The following MRLN variants were observed in gnomAD, a reference collection of about 807,000 sequenced individuals.
MRLN encodes myoregulin, also known as Linc-RNA activator of myogenesis.
intron 1 of MRLN, among the ~76,000 whole-genome samples, chr10:59,742,570 T>C (rs1017980296): frequency 1.3e-5 from 2 of 152,188 alleles, no homozygotes; most frequent in Non-Finnish European, 2.9e-5. Flanking sequence ...TTTCATCTCT[T>C]GTCCTGGGTG....
At chr10:59,749,651 G>A (rs185379170) in intron 1 of MRLN, among the ~76,000 whole-genome samples, 1 of 151,836 alleles carries the variant, frequency 6.6e-6, no homozygotes, top group East Asian at 1.9e-4. Flanking sequence ...CCGAGATCGT[G>A]CCACTAAACT....
intron 1 of MRLN, among the ~76,000 whole-genome samples, chr10:59,746,861 C>T (rs1175897500): frequency 2.6e-5 from 4 of 152,138 alleles, no homozygotes; most frequent in African/African-American, 7.2e-5. Flanking sequence ...GGCACGATGT[C>T]GGCTCACTGC....
chr10:59,751,668 T>TAAAA (rs1841104126), intron 1 of MRLN, among the ~76,000 whole-genome samples: 1 of 10,638 alleles, frequency 9.4e-5, no homozygotes, highest in African/African-American at 3.3e-4. Context: ...AGACTCTGTC[T>TAAAA]CAAAAAAAAA....
intron 1 of MRLN, among the ~76,000 whole-genome samples, chr10:59,743,248 C>T (rs968632132): frequency 7.3e-6 from 1 of 137,310 alleles, no homozygotes; most frequent in African/African-American, 2.7e-5. Flanking sequence ...TTCTCACATT[C>T]ATTCATTTAA....
rs1210420196 is a variant in MRLN, at chr10:59,736,774, T to C, written c.*286A>G. 6.1e-6 allele frequency: 1 copy of C among 164,306 alleles called. No homozygotes were observed. Among genetic ancestry groups the C allele is most frequent in the African/African-American group, 2.4e-5 (1 of 42,098 alleles). 10.2% of individuals were successfully genotyped at this position (164,306 alleles called of 1,614,324 possible). On this transcript the variant is annotated 3_prime_UTR_variant, in exon 3 of 3. Coordinates refer to ENST00000414264, the MANE Select transcript of MRLN (RefSeq NM_001304731.2). ...ATCCGCCTACCTGGGCCTCTCAAAG[T>C]GCTGGGATTACAGGTGTGAGCCACC...
chr10:59,751,399 C>T (rs1303286601), intron 1 of MRLN, among the ~76,000 whole-genome samples: 2 of 152,004 alleles, frequency 1.3e-5, no homozygotes, highest in African/African-American at 4.8e-5. Flanking sequence ...CGGTGGCTCA[C>T]ACCTATAATT....
intron 2 of MRLN, among the ~76,000 whole-genome samples, chr10:59,737,593 A>G (rs568954279): frequency 2.6e-4 from 38 of 144,368 alleles, no homozygotes; most frequent in Non-Finnish European, 4.0e-4. Flanking sequence ...AACTTGTACT[A>G]TTGGTGTTAC....
chr10:59,744,221 C>T (rs1841015880), intron 1 of MRLN: 1 of 157,782 alleles, frequency 6.3e-6, no homozygotes, highest in Non-Finnish European at 1.4e-5. Flanking sequence ...AAGTGAGGAG[C>T]GTCTCTGCCC....
intron 1 of MRLN, among the ~76,000 whole-genome samples, chr10:59,743,438 T>C (rs531623395): frequency 6.6e-6 from 1 of 152,210 alleles, no homozygotes; most frequent in Admixed American, 6.5e-5. Context: ...TTAATGAAAG[T>C]ATGTAACTTC....
intron 1 of MRLN, among the ~76,000 whole-genome samples, chr10:59,751,599 G>A (rs963044610): frequency 6.6e-6 from 1 of 150,532 alleles, no homozygotes; most frequent in Non-Finnish European, 1.5e-5. Context: ...GAGCCTGGGA[G>A]GTGGAGATTG....
At chr10:59,741,190 TC>T (rs1214065275) in intron 1 of MRLN, among the ~76,000 whole-genome samples, 1 of 152,032 alleles carries the variant, frequency 6.6e-6, no homozygotes, top group African/African-American at 2.4e-5. Context: ...GTTCACAAAG[TC>T]TAGAGTAGTG....
intron 1 of MRLN, among the ~76,000 whole-genome samples, chr10:59,749,055 T>TA (rs1437126673): frequency 6.6e-6 from 1 of 152,164 alleles, no homozygotes; most frequent in East Asian, 1.9e-4. Context: ...TCCTGGCTCT[T>TA]ACCACTATTA....
At chr10:59,751,060 AC>A (rs1841098101) in intron 1 of MRLN, among the ~76,000 whole-genome samples, 1 of 152,192 alleles carries the variant, frequency 6.6e-6, no homozygotes, top group Non-Finnish European at 1.5e-5. Context: ...TTGGCCTGCA[AC>A]ACACACTCCT....
chr10:59,742,434 T>A (rs1424868973), intron 1 of MRLN, among the ~76,000 whole-genome samples: 1 of 152,148 alleles, frequency 6.6e-6, no homozygotes, highest in Non-Finnish European at 1.5e-5. Flanking sequence ...GGGGTATATA[T>A]ATGGTTGGCA....
chr10:59,752,562 A>G (rs2070169165), intron 1 of MRLN, among the ~76,000 whole-genome samples: 1 of 152,184 alleles, frequency 6.6e-6, no homozygotes, highest in Non-Finnish European at 1.5e-5. Flanking sequence ...CTTCCCTTAC[A>G]CATTTTATTT....
At chr10:59,749,184 C>G (rs1459547312) in intron 1 of MRLN, among the ~76,000 whole-genome samples, 1 of 152,142 alleles carries the variant, frequency 6.6e-6, no homozygotes, top group East Asian at 1.9e-4. Flanking sequence ...AAGTTCAGTG[C>G]CTTCTATACA....
intron 1 of MRLN, among the ~76,000 whole-genome samples, chr10:59,751,886 G>A (rs1841107021): frequency 6.6e-6 from 1 of 152,156 alleles, no homozygotes; most frequent in African/African-American, 2.4e-5. Context: ...AGCAGGTATT[G>A]AGACAATCCT....
At chr10:59,747,578 T>A (rs1295043214) in intron 1 of MRLN, among the ~76,000 whole-genome samples, 1 of 152,220 alleles carries the variant, frequency 6.6e-6, no homozygotes, top group Non-Finnish European at 1.5e-5. Context: ...CAGGCAAAAC[T>A]GTTAAACTCC....
intron 1 of MRLN, among the ~76,000 whole-genome samples, chr10:59,752,424 A>C (rs1428384466): frequency 1.3e-5 from 2 of 152,200 alleles, no homozygotes; most frequent in Admixed American, 1.3e-4. Context: ...TATGATTCTC[A>C]TTTTACAAAT....
Sources: allele counts gnomAD v4.1 joint callset (sites outside exome capture counted in the v4.1 genomes callset), GRCh38; gene constraint gnomAD v4.1.1; transcripts MANE v1.5; gene names NCBI Gene and HGNC (gene_info 2026-07-23, HGNC 2026-07-21).